FAM83D: variants seen among roughly 807,000 people sequenced by gnomAD.
The protein encoded by FAM83D is protein FAM83D.
FAM83D carries 26 observed loss-of-function variants against 25.4 expected under a neutral mutation model. The ratio of observed to expected loss-of-function variants is 1.02; its 90% CI spans 0.75 to 1.42. The LOEUF (loss-of-function observed/expected upper bound fraction) is 1.42, where lower values mean the gene tolerates loss of function less well. Among genes scored for constraint, FAM83D ranks in the 40% most tolerant of loss-of-function variants. FAM83D has a pLI of 0.00. For missense variants in FAM83D, 740 were observed against 758.1 expected (o/e 0.98, Z 0.28); for synonymous variants, 310 against 318.5 (o/e 0.97, Z 0.28).
At position 38,951,569 on chromosome 20, in the gene FAM83D, C is replaced by G. The variant is rs1201532895; in HGVS notation, c.807C>G (p.Ser269Arg). 10 of 1,613,828 alleles carry G rather than the reference C, an allele frequency of 6.2e-6. No homozygotes were observed. The highest frequency in any genetic ancestry group is 7.6e-6 in the Non-Finnish European group (9 of 1,179,876). Residue 269 changes from serine to arginine, a missense_variant, in exon 4 of 4, where the codon AGC (serine) becomes AGG (arginine). Ser to Arg is a moderately radical substitution (Grantham distance 110, BLOSUM62 -1). Coordinates refer to ENST00000619850, the MANE Select transcript of FAM83D (RefSeq NM_030919.3). ...CATGGACGGATGGCAAATTAAACAG[C>G]AGTAACTTGGTAATTCTGTCTGGCC... is the stretch of plus-strand genomic sequence containing the variant. ...SFTWTDGKLNSSNLVILSGQV... is the reference protein window; with the variant it reads ...SFTWTDGKLNRSNLVILSGQV...
chr20:38,937,745 TC>T (rs1406058160), intron 1 of FAM83D, among the ~76,000 whole-genome samples: 1 of 152,272 alleles, frequency 6.6e-6, no homozygotes, highest in South Asian at 2.1e-4. Context: ...GGTGGGTGGA[TC>T]ACTTAAGCTC....
chr20:38,948,399 C>T (rs565457651), intron 3 of FAM83D, among the ~76,000 whole-genome samples: 1 of 152,328 alleles, frequency 6.6e-6, no homozygotes, highest in Admixed American at 6.5e-5. Context: ...CAGGCATCTC[C>T]ATTAGTGTTG....
In FAM83D at chr20:38,952,621, A is replaced by G; in HGVS notation, c.*101A>G. On this transcript the variant is annotated 3_prime_UTR_variant, in exon 4 of 4. Transcript: ENST00000619850. ...TTATGTCCCTAATTGCCTTTCTTTT[A>G]CCTGACTTTGTCACCTTTGTTGTCT... 1 of 1,337,560 alleles carries G rather than the reference A, an allele frequency of 7.5e-7. No homozygotes were observed. Among genetic ancestry groups the G allele is most frequent in the Non-Finnish European group, 1.0e-6 (1 of 974,732 alleles). 82.9% of individuals were successfully genotyped at this position (1,337,560 alleles called of 1,614,324 possible). A position where few individuals can be genotyped will look rare whatever the true frequency, so the allele number is the denominator to read the frequency against.
intron 1 of FAM83D, among the ~76,000 whole-genome samples, chr20:38,940,130 G>A (rs1288481464): frequency 6.6e-6 from 1 of 152,174 alleles, no homozygotes. Flanking sequence ...AATTCAGAAA[G>A]AACGCTTCTC....
chr20:38,947,807 T>C (rs997703184), intron 2 of FAM83D, 69 bp from the exon 3 acceptor site: 7 of 1,571,718 alleles, frequency 4.5e-6, no homozygotes, highest in Non-Finnish European at 2.6e-6. Flanking sequence ...CTTTTTGTCC[T>C]AACCATTTGC....
intron 3 of FAM83D, among the ~76,000 whole-genome samples, chr20:38,949,418 C>T (rs192916836): frequency 6.6e-6 from 1 of 152,262 alleles, no homozygotes; most frequent in East Asian, 1.9e-4. Flanking sequence ...CCTCGGCCTA[C>T]CAAAGTGCTG....
chr20:38,935,402 C>A (rs2085674579), intron 1 of FAM83D, among the ~76,000 whole-genome samples: 1 of 152,140 alleles, frequency 6.6e-6, no homozygotes, highest in Non-Finnish European at 1.5e-5. Flanking sequence ...TCTGGTGGCC[C>A]TGCCAGCACT....
chr20:38,946,248 T>G (rs2085728213), intron 2 of FAM83D, among the ~76,000 whole-genome samples: 1 of 151,402 alleles, frequency 6.6e-6, no homozygotes. Context: ...TGGGTTTGTC[T>G]GATGTTTTAT....
chr20:38,949,065 A>G (rs1568700274), intron 3 of FAM83D, among the ~76,000 whole-genome samples: 2 of 152,202 alleles, frequency 1.3e-5, no homozygotes, highest in Non-Finnish European at 2.9e-5. Context: ...ACCCTCTCCA[A>G]ATGAAATTGA....
rs2085637832 is a variant in FAM83D at position 38,926,834 on chromosome 20, T to TACTTCCAGCCC, written c.392_393insACTTCCAGCCC (p.Glu132LeufsTer35). 20 of 1,533,998 alleles carry TACTTCCAGCCC rather than the reference T, an allele frequency of 1.3e-5. No homozygotes were observed. In the South Asian group the frequency reaches 2.3e-4, roughly 17 times the overall value. On this transcript the variant is annotated frameshift_variant, in exon 1 of 4. Coordinates refer to ENST00000619850, the MANE Select transcript of FAM83D (RefSeq NM_030919.3). LOFTEE classifies it high-confidence loss of function. ...GGCGCCTACCGCGGCGCCACGCGTG[T>TACTTCCAGCCC]CGAGACGCACTTCCAGCCCCGCGGC...
chr20:38,935,496 G>A (rs1439800695), intron 1 of FAM83D, among the ~76,000 whole-genome samples: 1 of 152,224 alleles, frequency 6.6e-6, no homozygotes, highest in Non-Finnish European at 1.5e-5. Context: ...AGGCTAGAGT[G>A]CAGTGGTGCA....
intron 1 of FAM83D, among the ~76,000 whole-genome samples, chr20:38,940,978 C>T (rs533722794): frequency 7.2e-5 from 11 of 152,152 alleles, no homozygotes; most frequent in Non-Finnish European, 1.6e-4. Context: ...AGGAAACAGA[C>T]ATTTGAAACA....
intron 2 of FAM83D, among the ~76,000 whole-genome samples, chr20:38,942,332 A>T (rs896662833): frequency 1.3e-5 from 2 of 152,190 alleles, no homozygotes; most frequent in African/African-American, 4.8e-5. Flanking sequence ...AAATGAAAAT[A>T]TGGGCCCCCA....
intron 3 of FAM83D, 49 bp downstream of exon 3, chr20:38,948,049 A>C (rs2085736397): frequency 6.2e-7 from 1 of 1,600,998 alleles, no homozygotes; most frequent in African/African-American, 1.3e-5. Context: ...TCTTCAGAAG[A>C]AGCATGTCAT....
chr20:38,948,035 A>G, intron 3 of FAM83D, 35 bp downstream of exon 3: 1 of 1,609,336 alleles, frequency 6.2e-7, no homozygotes, highest in Non-Finnish European at 8.5e-7. Context: ...TTATTAATCT[A>G]AACTCTTCAG....
Position 38,938,614 on chromosome 20 carries a change from C to G in FAM83D, c.484-3345C>G, listed in dbSNP as rs6028210. Among the ~76,000 whole-genome samples, 1,271 of 152,326 alleles carry G rather than the reference C, an allele frequency of 8.3e-3. 19 individuals carry two copies. Among genetic ancestry groups the G allele is most frequent in the African/African-American group, 0.029 (1,221 of 41,564 alleles). ...CTTTTTGAAGGTTTTACTGCCACCT[C>G]AAAATCCGTTTCGAAGCTCACCCCT... On this transcript the variant is annotated intron_variant, in intron 1 of 3. Coordinates refer to ENST00000619850, the MANE Select transcript of FAM83D (RefSeq NM_030919.3).
intron 2 of FAM83D, among the ~76,000 whole-genome samples, chr20:38,942,954 G>A (rs2085709195): frequency 6.6e-6 from 1 of 152,076 alleles, no homozygotes; most frequent in Admixed American, 6.6e-5. Context: ...GTAGCTCCAG[G>A]AGGCTGCCCT....
At chr20:38,934,493 C>CA (rs34435879) in intron 1 of FAM83D, among the ~76,000 whole-genome samples, 29,107 of 77,660 alleles carry the variant, frequency 0.37, 4,301 homozygotes, top group African/African-American at 0.48. Context: ...AACTCCGTCT[C>CA]AAAAAAAAAA....
Position 38,947,983 on chromosome 20 carries a change from G to A in FAM83D, c.759G>A (p.Val253=), listed in dbSNP as rs775357179. The change falls in exon 3 of 4, where the codon GTG becomes GTA. Residue 253 remains valine, a synonymous_variant. Coordinates refer to ENST00000619850, the MANE Select transcript of FAM83D (RefSeq NM_030919.3). ...TCACGTTGATTGATGGCATCCGCGT[G>A]GCAACAGGCTCCTACAGGTAAGTCT... ...EKFTLIDGIR[V]ATGSYSFTWT... 3 of 1,613,996 alleles carry A rather than the reference G, an allele frequency of 1.9e-6. No individual in the cohort carries two copies. In the African/African-American group the frequency reaches 4.0e-5, roughly 22 times the overall value.
Sources: allele counts gnomAD v4.1 joint callset (sites outside exome capture counted in the v4.1 genomes callset), GRCh38; gene constraint gnomAD v4.1.1; transcripts MANE v1.5; gene names NCBI Gene and HGNC (gene_info 2026-07-23, HGNC 2026-07-21).